ADAMTSL1: variants seen among roughly 807,000 people sequenced by gnomAD.
The protein encoded by ADAMTSL1 is ADAMTS-like protein 1.
ADAMTSL1 carries 126 observed loss-of-function variants against 201.8 expected under a neutral mutation model. The ratio of observed to expected loss-of-function variants is 0.62; its 90% confidence interval spans 0.54 to 0.72. The LOEUF (loss-of-function observed/expected upper bound fraction) is 0.72, where lower values mean the gene tolerates loss of function less well. Ranked by LOEUF, ADAMTSL1 falls within the 30% of genes least tolerant of loss-of-function variation. The pLI is 0.00. For synonymous variants in ADAMTSL1, 1,121 were observed against 903.4 expected, an observed-to-expected ratio of 1.24 and a Z score of -4.32; for missense variants, 2,679 against 2,277.8, an observed-to-expected ratio of 1.18 and a Z score of -3.59.
intron 2 of ADAMTSL1, among the ~76,000 whole-genome samples, chr9:18,419,573 C>G (rs953984067): frequency 1.3e-5 from 2 of 152,090 alleles, no homozygotes; most frequent in Non-Finnish European, 2.9e-5. Flanking sequence ...AATGGATAAA[C>G]AGACTGGTAC....
chr9:18,727,706 A>C (rs1817972960), intron 15 of ADAMTSL1, among the ~76,000 whole-genome samples: 1 of 152,208 alleles, frequency 6.6e-6, no homozygotes, highest in Admixed American at 6.5e-5. Flanking sequence ...TCCATGTGTG[A>C]GCATGTGTGA....
chr9:18,841,703 C>T (rs578168812), intron 23 of ADAMTSL1, among the ~76,000 whole-genome samples: 2 of 152,290 alleles, frequency 1.3e-5, no homozygotes, highest in East Asian at 3.9e-4. Context: ...TGATTATTGT[C>T]ACAATTTCAG....
At chr9:18,546,902 C>T (rs954145355) in intron 3 of ADAMTSL1, among the ~76,000 whole-genome samples, 2 of 152,088 alleles carry the variant, frequency 1.3e-5, no homozygotes, top group Admixed American at 6.6e-5. Context: ...GAAAAATAAT[C>T]ATTCAGCAAC....
chr9:18,218,505 A>T (rs1025721504), intron 2 of ADAMTSL1, among the ~76,000 whole-genome samples: 1 of 152,204 alleles, frequency 6.6e-6, no homozygotes, highest in Non-Finnish European at 1.5e-5. Flanking sequence ...AAGTAAACTG[A>T]TAAAGTCTTT....
chr9:18,084,088 C>T (rs1823635928), intron 1 of ADAMTSL1, among the ~76,000 whole-genome samples: 1 of 152,226 alleles, frequency 6.6e-6, no homozygotes, highest in Admixed American at 6.5e-5. Flanking sequence ...AGACAAGTTT[C>T]CCTACCTCCC....
chr9:18,233,943 A>C (rs1183159324), intron 2 of ADAMTSL1, among the ~76,000 whole-genome samples: 2 of 152,188 alleles, frequency 1.3e-5, no homozygotes, highest in African/African-American at 4.8e-5. Flanking sequence ...TAGGAGTGAC[A>C]CACCCTGATT....
At chr9:18,275,659 G>C (rs924861418) in intron 2 of ADAMTSL1, among the ~76,000 whole-genome samples, 3 of 152,066 alleles carry the variant, frequency 2.0e-5, no homozygotes, top group African/African-American at 7.2e-5. Context: ...ATGTTTTTGA[G>C]GGCCATCTGT....
At position 17,959,678 on chromosome 9, in the gene ADAMTSL1, A is replaced by C. The variant is rs560214075; in HGVS notation, c.87+52756A>C. On this transcript the variant is annotated intron_variant, in intron 1 of 29. Coordinates refer to the ADAMTSL1 transcript ENST00000680146. ...TCACCATTGTCCAGGCTGGCCTTGA[A>C]CTCCTGACCTCAAGTGATCCACCCA... Among the ~76,000 whole-genome samples the C allele has an allele frequency of 2.6e-3, 400 of 151,506 alleles. 5 individuals are homozygous for C. Among genetic ancestry groups the C allele is most frequent in the Non-Finnish European group, 3.1e-3 (211 of 67,838 alleles).
chr9:18,453,586 T>C (rs1337864764), intron 2 of ADAMTSL1, among the ~76,000 whole-genome samples: 5 of 152,202 alleles, frequency 3.3e-5, no homozygotes, highest in Non-Finnish European at 7.3e-5. Flanking sequence ...TTCTTTTCTC[T>C]TGCAGCTTAC....
At chr9:18,079,017 G>T (rs1241385550) in intron 1 of ADAMTSL1, among the ~76,000 whole-genome samples, 1 of 152,154 alleles carries the variant, frequency 6.6e-6, no homozygotes, top group African/African-American at 2.4e-5. Flanking sequence ...GTCAGAACCT[G>T]TATCTGTGGA....
chr9:18,781,508 A>G (rs144719171), intron 19 of ADAMTSL1, among the ~76,000 whole-genome samples: 128 of 152,342 alleles, frequency 8.4e-4, no homozygotes, highest in African/African-American at 3.0e-3. Context: ...TGTTTAAGAA[A>G]AGAGTGAATG....
chr9:18,412,516 C>G (rs900733363), intron 2 of ADAMTSL1, among the ~76,000 whole-genome samples: 9 of 152,192 alleles, frequency 5.9e-5, no homozygotes, highest in African/African-American at 1.7e-4. Flanking sequence ...TAGATTCACA[C>G]AGGAAAGATA....
At chr9:18,289,819 G>C (rs935409823) in intron 2 of ADAMTSL1, among the ~76,000 whole-genome samples, 2 of 152,098 alleles carry the variant, frequency 1.3e-5, no homozygotes, top group African/African-American at 4.8e-5. Flanking sequence ...TTCTTCTCTT[G>C]ACTTCTCAAG....
chr9:18,589,593 T>G (rs1320559334), intron 4 of ADAMTSL1, among the ~76,000 whole-genome samples: 1 of 152,204 alleles, frequency 6.6e-6, no homozygotes, highest in Non-Finnish European at 1.5e-5. Flanking sequence ...TTGCTCTGGC[T>G]AAGATTTCCA....
intron 1 of ADAMTSL1, among the ~76,000 whole-genome samples, chr9:18,114,959 G>A (rs1272556307): frequency 6.6e-6 from 1 of 152,174 alleles, no homozygotes; most frequent in East Asian, 1.9e-4. Flanking sequence ...CTCCGTAAGG[G>A]ACTTTTGCTG....
At chr9:18,152,006 A>G (rs890105407) in intron 1 of ADAMTSL1, among the ~76,000 whole-genome samples, 2 of 152,084 alleles carry the variant, frequency 1.3e-5, no homozygotes, top group Admixed American at 6.6e-5. Flanking sequence ...AATCCCTGGT[A>G]TATATTACCA....
rs77148716 is a variant in ADAMTSL1, at chr9:18,903,251, T to G, written c.4852-2531T>G. Among the ~76,000 whole-genome samples the G allele has an allele frequency of 2.9e-3, 434 of 152,150 alleles. 1 individual carries two copies. The highest frequency in any genetic ancestry group is 9.9e-3 in the African/African-American group (412 of 41,532). ...AGTATTAATCAAAAGTAAAGTAGACTGGAAAATTCAATCATGGTATGTTCA... is the reference window on the plus strand; with the variant it reads ...AGTATTAATCAAAAGTAAAGTAGACGGGAAAATTCAATCATGGTATGTTCA... On this transcript the variant is annotated intron_variant, in intron 26 of 28. Transcript: ENST00000380548.
At chr9:18,573,843 T>A (rs904516326) in intron 3 of ADAMTSL1, among the ~76,000 whole-genome samples, 187 bp from the exon 4 acceptor site, 1 of 152,222 alleles carries the variant, frequency 6.6e-6, no homozygotes, top group Non-Finnish European at 1.5e-5. Flanking sequence ...GATTGCTTTA[T>A]CAGATTTCTA....
At position 17,983,064 on chromosome 9, in the gene ADAMTSL1, C is replaced by CTTTTTTTTT. The variant is rs202085722; in HGVS notation, c.87+76145_87+76146insTTTTTTTTT. On this transcript the variant is annotated intron_variant, in intron 1 of 29. Transcript: ENST00000680146. ...TTTTCATTTTCTTTTTCTTTTCTTT[C>CTTTTTTTTT]TTTCTTTCTTTCTTTTTTTTTTTTG... is the stretch of plus-strand genomic sequence containing the variant. 1.3e-3 allele frequency among the ~76,000 whole-genome samples: 119 copies of CTTTTTTTTT among 88,554 alleles called. 7 individuals carry two copies. Among genetic ancestry groups the CTTTTTTTTT allele is most frequent in the African/African-American group, 2.5e-3 (59 of 23,232 alleles). 58.1% of individuals were successfully genotyped at this position (88,554 alleles called of 152,430 possible).
Sources: gnomAD v4.1 joint callset for allele counts (sites outside exome capture counted in the v4.1 genomes callset) on GRCh38, gnomAD v4.1.1 for gene constraint, MANE v1.5 for transcripts, NCBI Gene and HGNC (gene_info 2026-07-23, HGNC 2026-07-21) for gene names.